The following GLT1D1 variants were observed in gnomAD, a reference collection of about 807,000 sequenced individuals.
GLT1D1 encodes the protein glycosyltransferase 1 domain-containing protein 1.
Under a neutral mutation model 28.7 loss-of-function variants are expected in GLT1D1, and 21 were observed. The observed-to-expected ratio is 0.73, with a 90% CI of 0.52 to 1.05. GLT1D1 has a LOEUF of 1.05. Ranked by LOEUF, GLT1D1 falls within the 50% of genes least tolerant of loss-of-function variation. GLT1D1 has a pLI of 0.00. For missense variants in GLT1D1, 343 were observed against 330.6 expected (o/e 1.04, Z -0.29); for synonymous variants, 147 against 124.8 (o/e 1.18, Z -1.19).
At chr12:128,886,322 A>G (rs1868384046) in intron 2 of GLT1D1, among the ~76,000 whole-genome samples, 1 of 152,144 alleles carries the variant, frequency 6.6e-6, no homozygotes, top group Non-Finnish European at 1.5e-5. Context: ...TGCTGCTGTA[A>G]TAATTTACCA....
At chr12:128,893,936 G>T (rs1214504888) in intron 3 of GLT1D1, among the ~76,000 whole-genome samples, 5 of 152,108 alleles carry the variant, frequency 3.3e-5, no homozygotes. Context: ...GCAAAGGAAG[G>T]TTTACACACT....
chr12:128,894,390 T>A (rs1869399807), intron 3 of GLT1D1, among the ~76,000 whole-genome samples: 1 of 152,156 alleles, frequency 6.6e-6, no homozygotes, highest in Non-Finnish European at 1.5e-5. Context: ...GGAATCATCC[T>A]TTCCTGGTTC....
intron 7 of GLT1D1, among the ~76,000 whole-genome samples, chr12:128,977,922 A>G (rs1879939279): frequency 6.6e-6 from 1 of 151,540 alleles, no homozygotes; most frequent in Admixed American, 6.6e-5. Flanking sequence ...AGCTGGGATT[A>G]CAGGTGTGTG....
In GLT1D1 at chr12:128,926,633, T is replaced by C. The variant is rs12300956; in HGVS notation, c.376-18693T>C. On this transcript the variant is annotated intron_variant, in intron 4 of 7. Transcript: ENST00000281703. The stretch of plus-strand genomic sequence containing the variant: ...AAATAATGCATGGGATCAGCAGCTC[T>C]TTGGAGGAATTTCTGTTTAGTTTTC... 7.8e-3 allele frequency among the ~76,000 whole-genome samples: 1,186 copies of C among 152,298 alleles called. 17 individuals are homozygous for C. The highest frequency in any genetic ancestry group is 0.027 in the African/African-American group (1,131 of 41,562).
At chr12:128,903,491 G>A (rs187528260) in intron 4 of GLT1D1, among the ~76,000 whole-genome samples, 2 of 151,754 alleles carry the variant, frequency 1.3e-5, no homozygotes, top group East Asian at 3.9e-4. Flanking sequence ...TGCAGGGAGG[G>A]GGAGAATTGA....
chr12:128,979,859 T>A (rs764109994), intron 7 of GLT1D1, among the ~76,000 whole-genome samples: 2 of 152,236 alleles, frequency 1.3e-5, no homozygotes, highest in African/African-American at 4.8e-5. Flanking sequence ...TAACCTATAG[T>A]TGGGCTGTCA....
chr12:128,912,153 C>A (rs1220321387), intron 4 of GLT1D1, among the ~76,000 whole-genome samples: 2 of 152,144 alleles, frequency 1.3e-5, no homozygotes, highest in African/African-American at 4.8e-5. Context: ...TGTAAAATTG[C>A]AAAATTGCAT....
rs1007987552 is a variant in GLT1D1, at chr12:128,864,179, T to C, written c.68+10530T>C. The stretch of plus-strand genomic sequence containing the variant: ...GCGAGGTGCCTGTCAGACGACACAC[T>C]GTAAGTTTTTGTTGAATTAGGGCAG... On this transcript the variant is annotated intron_variant, in intron 1 of 7. Coordinates refer to ENST00000281703, the MANE Select transcript of GLT1D1 (RefSeq NM_144669.3). The C allele has an allele frequency of 1.0e-5, 7 of 682,574 alleles. No individual in the cohort carries two copies. In the East Asian group the frequency reaches 1.7e-4, roughly 16 times the overall value. 42.3% of individuals were successfully genotyped at this position (682,574 alleles called of 1,614,324 possible).
intron 4 of GLT1D1, among the ~76,000 whole-genome samples, chr12:128,910,445 ATAT>A (rs149233555): frequency 3.4e-4 from 51 of 152,124 alleles, no homozygotes; most frequent in African/African-American, 1.2e-3. Flanking sequence ...TCAAACACTT[ATAT>A]TAAGTTATAT....
intron 4 of GLT1D1, among the ~76,000 whole-genome samples, chr12:128,932,991 C>T (rs1439748421): frequency 3.3e-5 from 5 of 152,208 alleles, no homozygotes; most frequent in African/African-American, 1.2e-4. Flanking sequence ...TTATTCTGGA[C>T]TCCCCCGGTC....
At chr12:128,897,087 A>G (rs1163179429) in intron 3 of GLT1D1, among the ~76,000 whole-genome samples, 1 of 152,184 alleles carries the variant, frequency 6.6e-6, no homozygotes, top group Non-Finnish European at 1.5e-5. Flanking sequence ...TATTTTTAAA[A>G]CTGCCAATCT....
rs77669262 is a variant in GLT1D1 at position 128,903,364 on chromosome 12, G to A, written c.375+4077G>A. On this transcript the variant is annotated intron_variant, in intron 4 of 7. Transcript: ENST00000281703. ...GCCTCAACTCACAAGCACATTCCAG[G>A]CCTCTGCCTGTGATAAGCTTGCCTC... Among the ~76,000 whole-genome samples, 22 of 151,802 alleles carry A rather than the reference G, an allele frequency of 1.4e-4. No homozygotes were observed. In the East Asian group the frequency reaches 4.3e-3, roughly 29 times the overall value.
intron 7 of GLT1D1, among the ~76,000 whole-genome samples, chr12:128,959,433 T>G (rs954867784): frequency 6.2e-3 from 207 of 33,412 alleles, no homozygotes; most frequent in Non-Finnish European, 6.7e-3. Flanking sequence ...GGTGGGGAGG[T>G]GGCAGCGGGG....
chr12:128,853,715 C>T lies in GLT1D1; in HGVS notation c.68+66C>T, dbSNP rs933965648. The T allele has an allele frequency of 6.2e-6, 6 of 965,042 alleles. No individual in the cohort carries two copies. The African/African-American group carries it at 1.1e-4, about 17-fold the overall frequency. 59.8% of individuals were successfully genotyped at this position (965,042 alleles called of 1,614,324 possible). A position where few individuals can be genotyped will look rare whatever the true frequency, so the allele number is the denominator to read the frequency against. ...GGCCGGGGGGCGGGGACGCGGGACC[C>T]GGGGACGCGGGGCGCTCAGCCAGGC... On this transcript the variant is annotated intron_variant, in intron 1 of 7. Coordinates refer to ENST00000281703, the MANE Select transcript of GLT1D1 (RefSeq NM_144669.3).
chr12:128,939,853 G>A (rs1202853134), intron 4 of GLT1D1, among the ~76,000 whole-genome samples: 1 of 61,964 alleles, frequency 1.6e-5, no homozygotes, highest in African/African-American at 7.0e-5. Flanking sequence ...CCCCACCGCC[G>A]ATCCAATCAC....
At chr12:128,859,085 C>T (rs933658421) in intron 1 of GLT1D1, among the ~76,000 whole-genome samples, 6 of 152,200 alleles carry the variant, frequency 3.9e-5, no homozygotes, top group South Asian at 2.1e-4. Flanking sequence ...AGCTGTACCT[C>T]GACCTCCTTG....
chr12:128,956,997 C>T (rs761565424), intron 6 of GLT1D1, among the ~76,000 whole-genome samples: 12 of 152,248 alleles, frequency 7.9e-5, no homozygotes, highest in Non-Finnish European at 1.3e-4. Context: ...TCTTGTGGCA[C>T]AGCTGCTAGG....
At chr12:128,910,593 CT>C (rs1871407292) in intron 4 of GLT1D1, among the ~76,000 whole-genome samples, 1 of 151,924 alleles carries the variant, frequency 6.6e-6, no homozygotes, top group African/African-American at 2.4e-5. Flanking sequence ...AGTAACAGCT[CT>C]TCCAGCTTTC....
intron 2 of GLT1D1, among the ~76,000 whole-genome samples, chr12:128,876,894 A>T (rs1292769018): frequency 1.3e-5 from 2 of 152,202 alleles, no homozygotes; most frequent in Non-Finnish European, 2.9e-5. Context: ...GACAGAAATG[A>T]TTTACGTCTC....
Sources: allele counts gnomAD v4.1 joint callset (sites outside exome capture counted in the v4.1 genomes callset), GRCh38; gene constraint gnomAD v4.1.1; transcripts MANE v1.5; gene names NCBI Gene and HGNC (gene_info 2026-07-23, HGNC 2026-07-21).